MCC: variants seen among roughly 807,000 people sequenced by gnomAD.
MCC encodes the protein MCC regulator of Wnt signaling pathway.
A neutral mutation model predicts 116.2 loss-of-function variants in MCC; 90 were observed. That is an observed-to-expected ratio of 0.77 (90% CI 0.65 to 0.92). The LOEUF is 0.92. Among genes scored for constraint, MCC ranks in the 40% least tolerant of loss-of-function variants. MCC has a pLI of 0.00. For missense variants in MCC, 1,516 were observed against 1,312.2 expected, an observed-to-expected ratio of 1.16 and a Z score of -2.40; for synonymous variants, 578 against 510.5, an observed-to-expected ratio of 1.13 and a Z score of -1.78.
At chr5:113,247,811 T>C (rs959745349) in intron 3 of MCC, among the ~76,000 whole-genome samples, 3 of 152,124 alleles carry the variant, frequency 2.0e-5, no homozygotes, top group African/African-American at 7.2e-5. Flanking sequence ...GGTGTCACCA[T>C]AACCAGAGGG....
chr5:113,162,059 C>G (rs1250985547), intron 3 of MCC, among the ~76,000 whole-genome samples: 1 of 152,098 alleles, frequency 6.6e-6, no homozygotes, highest in Non-Finnish European at 1.5e-5. Context: ...GCTTCGTGTT[C>G]CCTCTCTGAT....
At chr5:113,052,967 G>A (rs914218746) in intron 15 of MCC, among the ~76,000 whole-genome samples, 1 of 152,118 alleles carries the variant, frequency 6.6e-6, no homozygotes, top group East Asian at 1.9e-4. Flanking sequence ...CAAAACCAAG[G>A]ACAAATATCA....
intron 17 of MCC, among the ~76,000 whole-genome samples, chr5:113,039,118 C>T (rs1245860506): frequency 1.3e-5 from 2 of 152,224 alleles, no homozygotes; most frequent in Non-Finnish European, 2.9e-5. Flanking sequence ...CTCTGCTCCT[C>T]ACCATGGCTC....
chr5:113,133,439 T>G (rs567480859), intron 5 of MCC, among the ~76,000 whole-genome samples: 2 of 152,260 alleles, frequency 1.3e-5, no homozygotes, highest in African/African-American at 4.8e-5. Context: ...CAACCTCCAG[T>G]TCCATTCATG....
intron 5 of MCC, among the ~76,000 whole-genome samples, chr5:113,124,907 C>T (rs1185138990): frequency 6.6e-6 from 1 of 152,186 alleles, no homozygotes; most frequent in East Asian, 1.9e-4. Context: ...TCTGGGGCTG[C>T]CAGTGGGGAG....
intron 3 of MCC, among the ~76,000 whole-genome samples, chr5:113,284,500 A>T (rs1002675857): frequency 6.6e-6 from 1 of 152,258 alleles, no homozygotes; most frequent in Non-Finnish European, 1.5e-5. Flanking sequence ...CCTTAATGTA[A>T]ATATCCTGTA....
At chr5:113,172,372 A>G (rs1451319851) in intron 3 of MCC, among the ~76,000 whole-genome samples, 3 of 152,210 alleles carry the variant, frequency 2.0e-5, no homozygotes, top group Non-Finnish European at 2.9e-5. Flanking sequence ...TTAGCACTTC[A>G]TTTGCATAGA....
At chr5:113,469,115 G>C (rs1772004114) in intron 1 of MCC, among the ~76,000 whole-genome samples, 1 of 151,842 alleles carries the variant, frequency 6.6e-6, no homozygotes. Flanking sequence ...CAATTTTGTT[G>C]ACCTTTTCAA....
chr5:113,093,747 T>C (rs1004719594), intron 8 of MCC, among the ~76,000 whole-genome samples: 1 of 152,064 alleles, frequency 6.6e-6, no homozygotes, highest in Non-Finnish European at 1.5e-5. Flanking sequence ...GATGAAGTCA[T>C]CTGTGAATGT....
chr5:113,108,244 A>G (rs1756863289), intron 6 of MCC, among the ~76,000 whole-genome samples: 1 of 147,786 alleles, frequency 6.8e-6, no homozygotes, highest in African/African-American at 2.5e-5. Flanking sequence ...GAGGCAGGAG[A>G]ATCACTTGAA....
At chr5:113,414,289 T>C (rs533945948) in intron 1 of MCC, among the ~76,000 whole-genome samples, 27 of 152,322 alleles carry the variant, frequency 1.8e-4, no homozygotes, top group Non-Finnish European at 3.4e-4. Flanking sequence ...TAGGTCCACT[T>C]GGTGCAGAGC....
rs113309072 is a variant in MCC, at chr5:113,258,675, G to A, written c.627+81844C>T. Among the ~76,000 whole-genome samples the A allele has an allele frequency of 2.2e-3, 335 of 152,288 alleles. 4 individuals are homozygous for A. The highest frequency in any genetic ancestry group is 7.6e-3 in the African/African-American group (316 of 41,556). On this transcript the variant is annotated intron_variant, in intron 3 of 18. Coordinates refer to ENST00000408903, the MANE Select transcript of MCC (RefSeq NM_001085377.2). Reference sequence around the variant, plus strand: ...AAGCAGTCCCTGCCAAAAAGGTTGGGGGTCACTCACTTAGGAGAACTGAGG... The same window carrying A: ...AAGCAGTCCCTGCCAAAAAGGTTGGAGGTCACTCACTTAGGAGAACTGAGG...
At chr5:113,418,518 G>C (rs138341871) in intron 1 of MCC, among the ~76,000 whole-genome samples, 1 of 152,202 alleles carries the variant, frequency 6.6e-6, no homozygotes, top group East Asian at 1.9e-4. Context: ...CTCCAGCCAT[G>C]TGAAATTTCT....
At chr5:113,070,254 A>G (rs1753944764) in intron 12 of MCC, among the ~76,000 whole-genome samples, 1 of 152,266 alleles carries the variant, frequency 6.6e-6, no homozygotes, top group East Asian at 1.9e-4. Flanking sequence ...TGTACGATAC[A>G]GTCAACTACT....
At chr5:113,040,565 G>C (rs974449509) in intron 17 of MCC, among the ~76,000 whole-genome samples, 4 of 152,064 alleles carry the variant, frequency 2.6e-5, no homozygotes, top group African/African-American at 9.7e-5. Flanking sequence ...CTTCAAAAAA[G>C]GTGTTCGTTT....
chr5:113,142,961 C>T (rs1759265679), intron 5 of MCC, among the ~76,000 whole-genome samples: 1 of 152,218 alleles, frequency 6.6e-6, no homozygotes, highest in Admixed American at 6.5e-5. Context: ...CCACAACCTC[C>T]ACCTTGTCTA....
intron 3 of MCC, among the ~76,000 whole-genome samples, chr5:113,262,298 C>CATTTGCT (rs954243676): frequency 2.6e-5 from 4 of 152,006 alleles, no homozygotes; most frequent in African/African-American, 7.2e-5. Flanking sequence ...TCAACTATCA[C>CATTTGCT]ATTTGCTATC....
intron 3 of MCC, among the ~76,000 whole-genome samples, chr5:113,194,959 C>T (rs1473908189): frequency 2.0e-5 from 3 of 152,204 alleles, no homozygotes; most frequent in Non-Finnish European, 4.4e-5. Flanking sequence ...AACATCACAG[C>T]CAGGCTGGTG....
At chr5:113,046,139 G>T (rs28455797) in intron 16 of MCC, among the ~76,000 whole-genome samples, 4,942 of 151,576 alleles carry the variant, frequency 0.033, 293 homozygotes, top group African/African-American at 0.11. Flanking sequence ...TCTTATAAAG[G>T]TTCTTACTGT....
Sources: allele counts gnomAD v4.1 joint callset (sites outside exome capture counted in the v4.1 genomes callset), GRCh38; gene constraint gnomAD v4.1.1; transcripts MANE v1.5; gene names NCBI Gene and HGNC (gene_info 2026-07-23, HGNC 2026-07-21).